Variants in NAALADL2 observed in about 807,000 individuals in gnomAD.
The protein encoded by NAALADL2 is inactive N-acetylated-alpha-linked acidic dipeptidase-like protein 2.
In NAALADL2, 76 loss-of-function variants were observed where a neutral mutation model predicts 87.2. That is an observed-to-expected ratio of 0.87 (90% CI 0.72 to 1.05). The LOEUF (loss-of-function observed/expected upper bound fraction) is 1.05, where lower values mean the gene tolerates loss of function less well. NAALADL2 is among the 50% of genes least tolerant of loss of function. The pLI is 0.00. For synonymous variants in NAALADL2, 354 were observed against 331.0 expected, an observed-to-expected ratio of 1.07 and a Z score of -0.75; for missense variants, 1,089 against 945.8, an observed-to-expected ratio of 1.15 and a Z score of -1.99.
chr3:175,500,233 A>C (rs1729355467), intron 9 of NAALADL2, among the ~76,000 whole-genome samples: 1 of 152,108 alleles, frequency 6.6e-6, no homozygotes, highest in South Asian at 2.1e-4. Flanking sequence ...CCATTAGTGA[A>C]GTCTAGATAA....
intron 3 of NAALADL2, among the ~76,000 whole-genome samples, chr3:174,752,134 T>C (rs1258872924): frequency 2.6e-5 from 4 of 151,938 alleles, no homozygotes; most frequent in Non-Finnish European, 5.9e-5. Context: ...CCCGCCACCA[T>C]GCCCGGCTAT....
At chr3:174,809,813 TG>T (rs1719955289) in intron 3 of NAALADL2, among the ~76,000 whole-genome samples, 1 of 152,206 alleles carries the variant, frequency 6.6e-6, no homozygotes, top group Non-Finnish European at 1.5e-5. Context: ...ATCCCAATGT[TG>T]GAGGTGGGGC....
intron 1 of NAALADL2, among the ~76,000 whole-genome samples, chr3:175,067,730 C>T (rs1466034594): frequency 3.3e-5 from 5 of 152,040 alleles, no homozygotes; most frequent in Non-Finnish European, 7.4e-5. Flanking sequence ...ACCCAGCAAT[C>T]CCTACTAGGT....
intron 2 of NAALADL2, among the ~76,000 whole-genome samples, chr3:175,172,110 C>T (rs956437503): frequency 4.6e-5 from 7 of 152,016 alleles, no homozygotes; most frequent in African/African-American, 1.7e-4. Flanking sequence ...GGTGATACCC[C>T]AAATACCCTG....
At chr3:174,864,914 G>C (rs1019563508) in intron 1 of NAALADL2, among the ~76,000 whole-genome samples, 3 of 151,944 alleles carry the variant, frequency 2.0e-5, no homozygotes, top group African/African-American at 7.2e-5. Flanking sequence ...TGCAAAGATT[G>C]CAAAGAAGAT....
intron 4 of NAALADL2, among the ~76,000 whole-genome samples, chr3:175,284,406 T>G (rs1197485417): frequency 6.6e-6 from 1 of 152,062 alleles, no homozygotes; most frequent in African/African-American, 2.4e-5. Flanking sequence ...TATATTCTGA[T>G]TATATTATGT....
intron 9 of NAALADL2, among the ~76,000 whole-genome samples, chr3:175,512,909 G>A (rs1223871788): frequency 2.0e-5 from 3 of 152,152 alleles, no homozygotes; most frequent in Non-Finnish European, 4.4e-5. Context: ...GAGTTGAGCT[G>A]CTATTGTCTA....
chr3:174,972,604 T>C (rs1743841346), intron 1 of NAALADL2, among the ~76,000 whole-genome samples: 2 of 152,144 alleles, frequency 1.3e-5, no homozygotes, highest in South Asian at 4.1e-4. Context: ...TATCCCCAAA[T>C]ACAATGCTAT....
At chr3:174,553,469 A>G (rs1422860862) in intron 2 of NAALADL2, among the ~76,000 whole-genome samples, 1 of 152,182 alleles carries the variant, frequency 6.6e-6, no homozygotes, top group Non-Finnish European at 1.5e-5. Context: ...ATGTGCTAAA[A>G]TTTATTATAA....
At chr3:175,194,933 T>C (rs190014567) in intron 2 of NAALADL2, among the ~76,000 whole-genome samples, 146 of 151,924 alleles carry the variant, frequency 9.6e-4, no homozygotes, top group African/African-American at 3.4e-3. Context: ...TGCCATTTTG[T>C]AAGAGTTAAA....
intron 13 of NAALADL2, among the ~76,000 whole-genome samples, chr3:175,783,061 C>A (rs1422355051): frequency 6.7e-6 from 1 of 150,158 alleles, no homozygotes; most frequent in African/African-American, 2.5e-5. Flanking sequence ...TTCCATTGAT[C>A]TATATCTCTG....
chr3:174,628,502 A>G (rs1338123458), intron 2 of NAALADL2, among the ~76,000 whole-genome samples: 1 of 147,742 alleles, frequency 6.8e-6, no homozygotes, highest in South Asian at 2.1e-4. Context: ...AAAAAAGATT[A>G]TCTATTTCTA....
At chr3:174,683,142 C>T (rs1727706230) in intron 2 of NAALADL2, among the ~76,000 whole-genome samples, 1 of 152,068 alleles carries the variant, frequency 6.6e-6, no homozygotes, top group Admixed American at 6.6e-5. Context: ...ATGCATGCAG[C>T]ATAATTGATC....
At chr3:174,724,375 G>A (rs1206073136) in intron 2 of NAALADL2, among the ~76,000 whole-genome samples, 2 of 152,090 alleles carry the variant, frequency 1.3e-5, no homozygotes, top group Admixed American at 6.6e-5. Context: ...AAATAATTGG[G>A]TAATTTTGAG....
At chr3:174,903,361 T>G (rs1481352555) in intron 1 of NAALADL2, among the ~76,000 whole-genome samples, 3 of 152,110 alleles carry the variant, frequency 2.0e-5, no homozygotes, top group East Asian at 3.8e-4. Flanking sequence ...TTACCTCACT[T>G]AACATTTTAG....
intron 3 of NAALADL2, among the ~76,000 whole-genome samples, chr3:174,775,147 T>C (rs1251201549): frequency 6.6e-6 from 1 of 152,106 alleles, no homozygotes; most frequent in African/African-American, 2.4e-5. Flanking sequence ...ATTGAGATAA[T>C]TTATATAATA....
intron 5 of NAALADL2, among the ~76,000 whole-genome samples, chr3:175,338,667 A>C (rs1762280984): frequency 6.6e-6 from 1 of 151,024 alleles, no homozygotes. Context: ...ACACACAAAC[A>C]AACAAAACAC....
chr3:175,511,865 C>T (rs935441261), intron 9 of NAALADL2, among the ~76,000 whole-genome samples: 8 of 152,198 alleles, frequency 5.3e-5, no homozygotes, highest in African/African-American at 1.9e-4. Flanking sequence ...TTGTTACTTA[C>T]AATCATACTT....
At chr3:175,648,221 C>T (rs903759284) in intron 11 of NAALADL2, among the ~76,000 whole-genome samples, 1 of 152,148 alleles carries the variant, frequency 6.6e-6, no homozygotes, top group African/African-American at 2.4e-5. Flanking sequence ...ATTGAGAACA[C>T]ATGGCAGTTT....
Sources: allele counts gnomAD v4.1 joint callset (sites outside exome capture counted in the v4.1 genomes callset), GRCh38; gene constraint gnomAD v4.1.1; transcripts MANE v1.5; gene names NCBI Gene and HGNC (gene_info 2026-07-23, HGNC 2026-07-21).